Variants in RHEB observed in about 807,000 individuals in gnomAD.
The protein encoded by RHEB is GTP-binding protein Rheb.
A neutral mutation model predicts 28.8 loss-of-function variants in RHEB; 2 were observed. That is an observed-to-expected ratio of 0.07 (90% CI 0.03 to 0.22). The LOEUF is 0.22. Ranked by LOEUF, RHEB falls within the 10% of genes least tolerant of loss-of-function variation. The probability of loss-of-function intolerance (pLI) is 1.00; values close to 1 mark genes in which losing one functional copy is unlikely to be tolerated. For missense variants in RHEB, 76 were observed against 219.9 expected (o/e 0.35, Z 4.14); for synonymous variants, 69 against 77.3 (o/e 0.89, Z 0.56).
At chr7:151,508,777 A>G (rs1802932801) in intron 1 of RHEB, among the ~76,000 whole-genome samples, 1 of 151,998 alleles carries the variant, frequency 6.6e-6, no homozygotes, top group South Asian at 2.1e-4. Flanking sequence ...GGCGTGAGCC[A>G]CTGCACCAGG....
chr7:151,499,841 C>T (rs922729045), intron 1 of RHEB, among the ~76,000 whole-genome samples: 6 of 152,200 alleles, frequency 3.9e-5, no homozygotes, highest in African/African-American at 2.4e-5. Flanking sequence ...CAGGGTCTCC[C>T]TCGGTTGCCC....
chr7:151,513,405 T>C (rs183181609), intron 1 of RHEB, among the ~76,000 whole-genome samples: 3 of 152,334 alleles, frequency 2.0e-5, no homozygotes, highest in East Asian at 1.9e-4. Flanking sequence ...AGGAGGAAAT[T>C]AGAATTTTGG....
At chr7:151,492,937 G>C (rs1802610283) in intron 1 of RHEB, among the ~76,000 whole-genome samples, 1 of 149,342 alleles carries the variant, frequency 6.7e-6, no homozygotes. Context: ...CTCCCGGGTT[G>C]AGGCGATTCT....
chr7:151,484,161 A>T (rs1584853970), intron 3 of RHEB, among the ~76,000 whole-genome samples: 1 of 152,328 alleles, frequency 6.6e-6, no homozygotes, highest in East Asian at 1.9e-4. Flanking sequence ...TCATAAGATT[A>T]AATCAGCTAA....
rs549811082 is a variant in RHEB at position 151,479,341 on chromosome 7, C to T, written c.193-1926G>A. ...GGAAGCAAAGATTTAAAGATGAAAACGATGCGTATGATAGATGGGAGAGCT... is the reference window on the plus strand; with the variant it reads ...GGAAGCAAAGATTTAAAGATGAAAATGATGCGTATGATAGATGGGAGAGCT... On this transcript the variant is annotated intron_variant, in intron 3 of 7. Coordinates refer to ENST00000262187, the MANE Select transcript of RHEB (RefSeq NM_005614.4). Among the ~76,000 whole-genome samples, 11 of 152,146 alleles carry T rather than the reference C, an allele frequency of 7.2e-5. No homozygotes were observed. In the South Asian group the frequency reaches 1.2e-3, roughly 17 times the overall value.
intron 1 of RHEB, among the ~76,000 whole-genome samples, chr7:151,514,104 G>A (rs1168862293): frequency 1.3e-5 from 2 of 152,026 alleles, no homozygotes; most frequent in African/African-American, 4.8e-5. Context: ...ACTTCATCTC[G>A]GACAAGGGAA....
chr7:151,502,202 C>A (rs1041610215), intron 1 of RHEB: 1 of 469,744 alleles, frequency 2.1e-6, no homozygotes, highest in Non-Finnish European at 3.8e-6. Context: ...CGCCACTGTA[C>A]TCCAGCCTGG....
At chr7:151,516,406 C>T (rs142663943) in intron 1 of RHEB, among the ~76,000 whole-genome samples, 123 of 151,992 alleles carry the variant, frequency 8.1e-4, no homozygotes, top group African/African-American at 2.9e-3. Context: ...AGGTGGATCA[C>T]GAGGTCAGGA....
intron 3 of RHEB, among the ~76,000 whole-genome samples, chr7:151,484,483 G>A (rs564059995): frequency 6.6e-6 from 1 of 152,276 alleles, no homozygotes; most frequent in East Asian, 1.9e-4. Flanking sequence ...TTATGATGGG[G>A]TTACATCGTG....
At chr7:151,493,053 G>C (rs1475413723) in intron 1 of RHEB, among the ~76,000 whole-genome samples, 3 of 151,924 alleles carry the variant, frequency 2.0e-5, no homozygotes, top group Non-Finnish European at 2.9e-5. Flanking sequence ...ACATTGGTCA[G>C]GCTGGTCTCG....
chr7:151,478,370 T>C (rs988258948), intron 3 of RHEB, among the ~76,000 whole-genome samples: 2 of 149,632 alleles, frequency 1.3e-5, no homozygotes, highest in East Asian at 1.9e-4. Flanking sequence ...TACTGCCCTA[T>C]GGTAAAGTTC....
intron 3 of RHEB, among the ~76,000 whole-genome samples, chr7:151,478,356 G>C (rs1249294768): frequency 1.4e-5 from 2 of 142,114 alleles, no homozygotes; most frequent in African/African-American, 5.3e-5. Context: ...TGACAGCCCA[G>C]AATTACTGCC....
intron 2 of RHEB, among the ~76,000 whole-genome samples, chr7:151,486,074 C>G (rs1000466496): frequency 6.6e-6 from 1 of 152,224 alleles, no homozygotes. Flanking sequence ...CTTATTCTCT[C>G]TGAACTTGGG....
Position 151,468,305 on chromosome 7 carries a change from T to C in RHEB, c.463-1094A>G, listed in dbSNP as rs1802100594. Reference sequence around the variant, plus strand: ...TCTCCCCTGTCCCTTAACCACTTCTTGCTGCTCCTTTCCCTCTCGGTCAGC... The same window carrying C: ...TCTCCCCTGTCCCTTAACCACTTCTCGCTGCTCCTTTCCCTCTCGGTCAGC... On this transcript the variant is annotated intron_variant, in intron 7 of 7. Transcript: ENST00000262187. The surrounding 1 kb of genome is among the most constrained non-coding windows in gnomAD (Gnocchi z 4.3). Among the ~76,000 whole-genome samples, 1 of 152,228 alleles carries C rather than the reference T, an allele frequency of 6.6e-6. No homozygotes were observed. The highest frequency in any genetic ancestry group is 6.5e-5 in the Admixed American group (1 of 15,288).
chr7:151,502,374 C>T (rs937556112), intron 1 of RHEB: 1 of 812,024 alleles, frequency 1.2e-6, no homozygotes, highest in South Asian at 1.4e-5. Context: ...AACATTAAGG[C>T]AGGAGTAAAC....
intron 1 of RHEB, among the ~76,000 whole-genome samples, chr7:151,516,733 A>G (rs1374941365): frequency 1.3e-5 from 2 of 152,172 alleles, no homozygotes; most frequent in Admixed American, 6.5e-5. Flanking sequence ...ACAAATCACA[A>G]TGACAAGTAT....
chr7:151,481,592 A>G (rs1406603237), intron 3 of RHEB, among the ~76,000 whole-genome samples: 2 of 152,252 alleles, frequency 1.3e-5, no homozygotes, highest in African/African-American at 4.8e-5. Context: ...GAAGGGTGAA[A>G]CCACGGCAGG....
At chr7:151,492,574 G>A (rs374673932) in intron 1 of RHEB, among the ~76,000 whole-genome samples, 2 of 150,542 alleles carry the variant, frequency 1.3e-5, no homozygotes, top group African/African-American at 2.5e-5. Flanking sequence ...CTGAGATGGC[G>A]CCACTGCACT....
intron 1 of RHEB, among the ~76,000 whole-genome samples, chr7:151,508,386 T>C (rs1208858836): frequency 6.6e-6 from 1 of 152,184 alleles, no homozygotes; most frequent in East Asian, 1.9e-4. Context: ...CTCCTCACAG[T>C]ATCTGGGCTG....
Sources: gnomAD v4.1 joint callset for allele counts (sites outside exome capture counted in the v4.1 genomes callset) on GRCh38, gnomAD v4.1.1 for gene constraint, Gnocchi (gnomAD v3.1) non-coding constraint, MANE v1.5 for transcripts, NCBI Gene and HGNC (gene_info 2026-07-23, HGNC 2026-07-21) for gene names.